INVS: variants seen among roughly 807,000 people sequenced by gnomAD.
INVS encodes the protein inversin.
A neutral mutation model predicts 108.8 loss-of-function variants in INVS; 86 were observed. That is an observed-to-expected ratio of 0.79 (90% confidence interval 0.66 to 0.95). INVS has a LOEUF of 0.95. INVS is among the 40% of genes least tolerant of loss of function. INVS has a pLI of 0.00. For missense variants in INVS, 1,169 were observed against 1,297.4 expected (o/e 0.90, Z 1.52); for synonymous variants, 455 against 473.5 (o/e 0.96, Z 0.51).
At chr9:100,113,815 C>T (rs966734460) in intron 2 of INVS, among the ~76,000 whole-genome samples, 1 of 152,086 alleles carries the variant, frequency 6.6e-6, no homozygotes, top group African/African-American at 2.4e-5. Context: ...CAATAGAACA[C>T]CAAAACTTAT....
intron 8 of INVS, among the ~76,000 whole-genome samples, chr9:100,249,437 ATAAAAT>A (rs1832151288): frequency 6.6e-6 from 1 of 152,294 alleles, no homozygotes; most frequent in East Asian, 1.9e-4. Flanking sequence ...TAAGTAAAAG[ATAAAAT>A]TAATGATCAT....
At chr9:100,184,285 G>T (rs1829989956) in intron 3 of INVS, among the ~76,000 whole-genome samples, 1 of 152,188 alleles carries the variant, frequency 6.6e-6, no homozygotes, top group Admixed American at 6.5e-5. Flanking sequence ...AAATGCCAGT[G>T]TTGGGAATGT....
chr9:100,296,308 T>C (rs1032080617), intron 14 of INVS, among the ~76,000 whole-genome samples: 2 of 152,116 alleles, frequency 1.3e-5, no homozygotes, highest in Non-Finnish European at 2.9e-5. Context: ...GATGTAAATA[T>C]AGCCATCATC....
At chr9:100,100,730 AATAT>A (rs1335393792) in intron 1 of INVS, among the ~76,000 whole-genome samples, 1 of 40,914 alleles carries the variant, frequency 2.4e-5, no homozygotes, top group Non-Finnish European at 3.7e-5. Context: ...ATGTACATAT[AATAT>A]ATATATTATA....
intron 2 of INVS, among the ~76,000 whole-genome samples, chr9:100,116,471 C>T (rs1201366683): frequency 1.3e-5 from 2 of 151,996 alleles, no homozygotes; most frequent in Non-Finnish European, 2.9e-5. Context: ...GAATAAAAGG[C>T]CTTATCAAAT....
intron 10 of INVS, among the ~76,000 whole-genome samples, chr9:100,262,638 T>TAAAAAA (rs58650063): frequency 5.2e-5 from 6 of 116,484 alleles, no homozygotes; most frequent in African/African-American, 2.0e-4. Context: ...CCTGGAGCAC[T>TAAAAAA]AAAAAAAAAA....
chr9:100,241,016 T>C (rs1421641037), intron 6 of INVS, among the ~76,000 whole-genome samples: 1 of 152,178 alleles, frequency 6.6e-6, no homozygotes, highest in African/African-American at 2.4e-5. Flanking sequence ...AATGCATCTA[T>C]TGATTCCCAC....
In INVS at chr9:100,301,381, A is replaced by G. The variant is rs1588157594; in HGVS notation, c.*707A>G. Among the ~76,000 whole-genome samples the G allele has an allele frequency of 6.6e-6, 1 of 152,186 alleles. No homozygotes were observed. The highest frequency in any genetic ancestry group is 1.5e-5 in the Non-Finnish European group (1 of 68,036). ...CTGAATGGCTTTCTCAGTGCTGAAT[A>G]CCAACAGCCGTATTACAGTATCAAG... On this transcript the variant is annotated 3_prime_UTR_variant, in exon 17 of 17. Transcript: ENST00000262457.
At chr9:100,115,210 TGA>T (rs1827470855) in intron 2 of INVS, among the ~76,000 whole-genome samples, 1 of 152,132 alleles carries the variant, frequency 6.6e-6, no homozygotes, top group Non-Finnish European at 1.5e-5. Context: ...TTAATGATGT[TGA>T]GAGTCTTTTC....
At chr9:100,100,947 C>CATATATATTATATATATA (rs1201063146) in intron 1 of INVS, among the ~76,000 whole-genome samples, 2 of 15,744 alleles carry the variant, frequency 1.3e-4, no homozygotes, top group African/African-American at 5.5e-4. Flanking sequence ...AATATATATA[C>CATATATATTATATATATA]ATATATATTA....
intron 3 of INVS, among the ~76,000 whole-genome samples, chr9:100,157,729 C>T (rs756919580): frequency 3.6e-4 from 55 of 152,254 alleles, no homozygotes; most frequent in Admixed American, 8.5e-4. Flanking sequence ...TTTCCTGCCA[C>T]CCTTCAATGG....
At chr9:100,250,577 A>G (rs1184989904) in intron 8 of INVS, among the ~76,000 whole-genome samples, 1 of 152,154 alleles carries the variant, frequency 6.6e-6, no homozygotes, top group Non-Finnish European at 1.5e-5. Flanking sequence ...GGCTATATGG[A>G]CAAAGATTCT....
chr9:100,299,552 C>G (rs1417004629), intron 16 of INVS, among the ~76,000 whole-genome samples: 4 of 85,902 alleles, frequency 4.7e-5, no homozygotes, highest in Non-Finnish European at 6.9e-5. Context: ...TTTATTGACA[C>G]ACAACACACA....
intron 3 of INVS, among the ~76,000 whole-genome samples, chr9:100,143,803 G>A (rs1229071331): frequency 2.0e-5 from 3 of 152,140 alleles, no homozygotes; most frequent in Non-Finnish European, 2.9e-5. Flanking sequence ...TGGAGGCAAG[G>A]GAAACAGGCC....
chr9:100,133,338 ATGTGTG>A (rs140513551), intron 3 of INVS, among the ~76,000 whole-genome samples: 73 of 146,576 alleles, frequency 5.0e-4, no homozygotes, highest in African/African-American at 1.6e-3. Context: ...CCTTTACTTT[ATGTGTG>A]TGTGTGTGTG....
At chr9:100,132,834 A>G (rs1828093603) in intron 3 of INVS, among the ~76,000 whole-genome samples, 1 of 152,042 alleles carries the variant, frequency 6.6e-6, no homozygotes, top group South Asian at 2.1e-4. Context: ...GCCTGGTGCC[A>G]TGGCTCACGC....
chr9:100,162,557 A>G (rs1014718948), intron 3 of INVS, among the ~76,000 whole-genome samples: 4 of 152,218 alleles, frequency 2.6e-5, no homozygotes, highest in African/African-American at 9.6e-5. Flanking sequence ...TATCTTGTTT[A>G]TCTTTTCAAC....
chr9:100,255,603 A>G (rs1832393754), intron 10 of INVS, among the ~76,000 whole-genome samples: 1 of 152,136 alleles, frequency 6.6e-6, no homozygotes, highest in Non-Finnish European at 1.5e-5. Flanking sequence ...TACCTAGTTT[A>G]TTGAGAGTTT....
At chr9:100,126,171 T>A (rs1827876903) in intron 2 of INVS, among the ~76,000 whole-genome samples, 1 of 152,220 alleles carries the variant, frequency 6.6e-6, no homozygotes, top group African/African-American at 2.4e-5. Context: ...CCCACCTACT[T>A]TCAGTGTGAA....
Sources: allele counts gnomAD v4.1 joint callset (sites outside exome capture counted in the v4.1 genomes callset), GRCh38; gene constraint gnomAD v4.1.1; transcripts MANE v1.5; gene names NCBI Gene and HGNC (gene_info 2026-07-23, HGNC 2026-07-21).